The following PPP2R2C variants were observed in gnomAD, a reference collection of about 807,000 sequenced individuals.
The protein encoded by PPP2R2C is protein phosphatase 2, regulatory subunit B, gamma.
Under a neutral mutation model 45.3 loss-of-function variants are expected in PPP2R2C, and 10 were observed. The observed-to-expected ratio is 0.22, with a 90% CI of 0.14 to 0.37. The LOEUF is 0.37. PPP2R2C is among the 10% of genes least tolerant of loss of function. The pLI, the probability that PPP2R2C is intolerant of heterozygous loss-of-function variation, is 1.00. For missense variants in PPP2R2C, 308 were observed against 619.7 expected, an observed-to-expected ratio of 0.50 and a Z score of 5.34; for synonymous variants, 257 against 245.4, an observed-to-expected ratio of 1.05 and a Z score of -0.44.
chr4:6,407,837 G>A (rs1717904427), intron 1 of PPP2R2C, among the ~76,000 whole-genome samples: 1 of 152,206 alleles, frequency 6.6e-6, no homozygotes, highest in Admixed American at 6.5e-5. Context: ...ATTTAGTGCT[G>A]CGCTATCCAG....
At chr4:6,510,605 C>A (rs572499841) in intron 2 of PPP2R2C, among the ~76,000 whole-genome samples, 1 of 152,204 alleles carries the variant, frequency 6.6e-6, no homozygotes, top group Admixed American at 6.5e-5. Context: ...CACGCACACA[C>A]GCACACCAGA....
intron 1 of PPP2R2C, among the ~76,000 whole-genome samples, chr4:6,456,794 C>T (rs572773885): frequency 2.0e-5 from 3 of 152,304 alleles, no homozygotes; most frequent in South Asian, 4.1e-4. Context: ...AATGCAATCC[C>T]CCAGCCAGGG....
intron 1 of PPP2R2C, among the ~76,000 whole-genome samples, chr4:6,559,395 G>GCACACACACACA (rs58400617): frequency 2.4e-4 from 35 of 144,866 alleles, no homozygotes; most frequent in African/African-American, 8.7e-4. Context: ...AAAATACACA[G>GCACACACACACA]CACACACACA....
At chr4:6,523,662 C>T (rs941968678) in intron 2 of PPP2R2C, 17 of 152,190 alleles carry the variant, frequency 1.1e-4, no homozygotes, top group Admixed American at 2.6e-4. Flanking sequence ...TTGGTACCGC[C>T]GCAACAAATT....
chr4:6,359,234 C>T (rs1440050415), intron 5 of PPP2R2C, among the ~76,000 whole-genome samples: 1 of 152,158 alleles, frequency 6.6e-6, no homozygotes, highest in Admixed American at 6.5e-5. Context: ...TCTGAGCAAA[C>T]TATTCCAAGG....
At chr4:6,347,789 T>TCCCCCCCCCCCCCCCGCCCCAAG in intron 6 of PPP2R2C, 57 bp downstream of exon 6, 2 of 1,033,616 alleles carry the variant, frequency 1.9e-6, no homozygotes, top group Non-Finnish European at 2.8e-6. Flanking sequence ...GGACAGGACA[T>TCCCCCCCCCCCCCCCGCCCCAAG]CCCACCCGCC....
chr4:6,362,968 G>A lies in PPP2R2C; in HGVS notation c.625+9555C>T, dbSNP rs10025517. ...TCTGTAAAAGGGGGATATTAATAAC[G>A]CCTACCACATAGTGTTGTTGGGAGG... is the stretch of plus-strand genomic sequence containing the variant. On this transcript the variant is annotated intron_variant, in intron 5 of 8. Coordinates refer to ENST00000382599, the MANE Select transcript of PPP2R2C (RefSeq NM_020416.4). Among the ~76,000 whole-genome samples, 523 of 152,230 alleles carry A rather than the reference G, an allele frequency of 3.4e-3. 1 individual carries two copies. Among genetic ancestry groups the A allele is most frequent in the African/African-American group, 0.012 (502 of 41,524 alleles).
intron 5 of PPP2R2C, among the ~76,000 whole-genome samples, chr4:6,371,782 T>C (rs1714847417): frequency 6.6e-6 from 1 of 152,204 alleles, no homozygotes; most frequent in Non-Finnish European, 1.5e-5. Context: ...TGCTTGTTGA[T>C]GTTAGTCACA....
chr4:6,502,076 G>A (rs1253365045), intron 2 of PPP2R2C, among the ~76,000 whole-genome samples: 8 of 152,360 alleles, frequency 5.3e-5, no homozygotes, highest in Middle Eastern at 3.4e-3. Flanking sequence ...TGTTCCACGC[G>A]ATCTGGAGCA....
intron 1 of PPP2R2C, among the ~76,000 whole-genome samples, chr4:6,448,158 C>A (rs997810676): frequency 1.3e-5 from 2 of 152,172 alleles, no homozygotes; most frequent in Non-Finnish European, 2.9e-5. Context: ...TTATTGGGTG[C>A]GTTCTCTGTG....
At chr4:6,415,886 G>A (rs2109380462) in intron 1 of PPP2R2C, among the ~76,000 whole-genome samples, 1 of 152,318 alleles carries the variant, frequency 6.6e-6, no homozygotes, top group Middle Eastern at 3.4e-3. Context: ...CTCTGATGGT[G>A]AAAGCATTCT....
intron 1 of PPP2R2C, among the ~76,000 whole-genome samples, chr4:6,549,772 C>G (rs550598949): frequency 6.6e-6 from 1 of 152,212 alleles, no homozygotes; most frequent in African/African-American, 2.4e-5. Context: ...TACTTTCCCA[C>G]GTAGGGCCTG....
chr4:6,443,186 T>TC (rs1720238908), intron 1 of PPP2R2C, among the ~76,000 whole-genome samples: 2 of 152,098 alleles, frequency 1.3e-5, no homozygotes, highest in African/African-American at 4.8e-5. Flanking sequence ...CTTGTTAGGA[T>TC]CCCCTCCAGC....
At chr4:6,425,754 G>C (rs564792334) in intron 1 of PPP2R2C, among the ~76,000 whole-genome samples, 1 of 152,282 alleles carries the variant, frequency 6.6e-6, no homozygotes, top group South Asian at 2.1e-4. Flanking sequence ...AGAAGACAAG[G>C]AGAGTCTGTT....
chr4:6,336,866 TGCTTCCATC>T (rs1732977166), intron 6 of PPP2R2C, among the ~76,000 whole-genome samples: 1 of 10,446 alleles, frequency 9.6e-5, no homozygotes, highest in African/African-American at 2.4e-4. Flanking sequence ...CCTCCCTCCC[TGCTTCCATC>T]CCTCCCTCCC....
intron 1 of PPP2R2C, among the ~76,000 whole-genome samples, chr4:6,467,907 C>A (rs944858923): frequency 6.6e-6 from 1 of 152,132 alleles, no homozygotes; most frequent in African/African-American, 2.4e-5. Context: ...TTTCCCTGTT[C>A]CCATCACAAG....
At chr4:6,410,881 A>G (rs1718140886) in intron 1 of PPP2R2C, among the ~76,000 whole-genome samples, 1 of 147,642 alleles carries the variant, frequency 6.8e-6, no homozygotes, top group South Asian at 2.1e-4. Context: ...TTATTTATTT[A>G]TTTATTAGAC....
chr4:6,499,695 T>A (rs1560587035), intron 2 of PPP2R2C, among the ~76,000 whole-genome samples: 1 of 150,304 alleles, frequency 6.7e-6, no homozygotes. Flanking sequence ...TTTCTGTATA[T>A]AAAAATTTGT....
At chr4:6,477,147 C>T (rs564318445), upstream of PPP2R2C, among the ~76,000 whole-genome samples, 3 of 152,076 alleles carry the variant, frequency 2.0e-5, no homozygotes, top group South Asian at 2.1e-4. Flanking sequence ...CCGAGCTACT[C>T]GGGATGCTGA....
Sources: allele counts gnomAD v4.1 joint callset (sites outside exome capture counted in the v4.1 genomes callset), GRCh38; gene constraint gnomAD v4.1.1; transcripts MANE v1.5; gene names NCBI Gene and HGNC (gene_info 2026-07-23, HGNC 2026-07-21).